Variants in JAKMIP2 observed in about 807,000 individuals in gnomAD.
JAKMIP2 encodes the protein janus kinase and microtubule interacting protein 2.
A neutral mutation model predicts 115.0 loss-of-function variants in JAKMIP2; 25 were observed. The ratio of observed to expected loss-of-function variants is 0.22; its 90% CI spans 0.16 to 0.30. The LOEUF (loss-of-function observed/expected upper bound fraction) is 0.30, where lower values mean the gene tolerates loss of function less well. Ranked by LOEUF, JAKMIP2 falls within the 10% of genes least tolerant of loss-of-function variation. The pLI is 1.00. For missense variants in JAKMIP2, 642 were observed against 957.6 expected (o/e 0.67, Z 4.35); for synonymous variants, 334 against 343.6 (o/e 0.97, Z 0.31).
chr5:147,779,432 C>T lies in JAKMIP2; in HGVS notation c.-149+3024G>A, dbSNP rs1446492573. On this transcript the variant is annotated intron_variant, in intron 1 of 21. Transcript: ENST00000616793. ...ATATAATTTGTTTTTTTAAAAAAAA[C>T]AACTTGATGGCCCTTGAATTACTTT... 3.3e-5 allele frequency among the ~76,000 whole-genome samples: 5 copies of T among 151,638 alleles called. No individual in the cohort carries two copies. The South Asian group carries it at 8.3e-4, about 25-fold the overall frequency.
chr5:147,669,047 C>T (rs955582931), intron 2 of JAKMIP2, among the ~76,000 whole-genome samples: 1 of 152,180 alleles, frequency 6.6e-6, no homozygotes, highest in African/African-American at 2.4e-5. Flanking sequence ...TTTAACTTAT[C>T]CATTCCCTAG....
intron 1 of JAKMIP2, among the ~76,000 whole-genome samples, chr5:147,717,387 G>T (rs1375477212): frequency 5.5e-5 from 8 of 145,210 alleles, no homozygotes; most frequent in African/African-American, 1.0e-4. Flanking sequence ...GTGAAGAAAG[G>T]CATTGGTAGC....
chr5:147,610,804 C>CAGGGGAAGG (rs1308269804), intron 20 of JAKMIP2, among the ~76,000 whole-genome samples: 1 of 152,224 alleles, frequency 6.6e-6, no homozygotes, highest in East Asian at 1.9e-4. Context: ...CCCCTAGGTG[C>CAGGGGAAGG]TGTGTCCCAG....
intron 1 of JAKMIP2, among the ~76,000 whole-genome samples, chr5:147,712,832 C>T (rs1752835014): frequency 6.6e-6 from 1 of 152,168 alleles, no homozygotes; most frequent in South Asian, 2.1e-4. Context: ...TTACTGCAAA[C>T]ACAGACGTTT....
At chr5:147,677,278 A>G (rs1760021061) in intron 1 of JAKMIP2, among the ~76,000 whole-genome samples, 1 of 152,164 alleles carries the variant, frequency 6.6e-6, no homozygotes, top group African/African-American at 2.4e-5. Flanking sequence ...TTCTATCTCT[A>G]CTGTTAGCCA....
intron 20 of JAKMIP2, among the ~76,000 whole-genome samples, chr5:147,609,631 G>C (rs1451172100): frequency 1.3e-5 from 2 of 151,990 alleles, no homozygotes; most frequent in Non-Finnish European, 2.9e-5. Flanking sequence ...TTTCAACCTT[G>C]CTTAATCTGA....
intron 2 of JAKMIP2, among the ~76,000 whole-genome samples, chr5:147,668,280 G>C (rs75078968): frequency 0.013 from 1,926 of 152,282 alleles, 18 homozygotes; most frequent in Admixed American, 0.02. Flanking sequence ...CGAAACCATA[G>C]TTTATCTCTG....
chr5:147,729,547 G>A (rs1259786154), intron 1 of JAKMIP2, among the ~76,000 whole-genome samples: 1 of 152,104 alleles, frequency 6.6e-6, no homozygotes, highest in Non-Finnish European at 1.5e-5. Flanking sequence ...GCCGAGGTGG[G>A]CAGATCATGA....
chr5:147,666,723 A>G (rs1476505811), intron 2 of JAKMIP2, among the ~76,000 whole-genome samples: 1 of 152,138 alleles, frequency 6.6e-6, no homozygotes, highest in Non-Finnish European at 1.5e-5. Context: ...GACACCTCGT[A>G]TTTGCACCTG....
At chr5:147,670,842 G>A (rs1437193678) in intron 2 of JAKMIP2, among the ~76,000 whole-genome samples, 1 of 152,088 alleles carries the variant, frequency 6.6e-6, no homozygotes, top group African/African-American at 2.4e-5. Context: ...TTAAGTTCTG[G>A]ATATTATTTA....
chr5:147,699,070 C>T (rs1398062392), intron 1 of JAKMIP2, among the ~76,000 whole-genome samples: 1 of 152,208 alleles, frequency 6.6e-6, no homozygotes, highest in Non-Finnish European at 1.5e-5. Flanking sequence ...TCCCCCAGGC[C>T]TTTGCTCATG....
At chr5:147,729,791 A>G (rs1753660266) in intron 1 of JAKMIP2, among the ~76,000 whole-genome samples, 1 of 150,456 alleles carries the variant, frequency 6.6e-6, no homozygotes, top group Non-Finnish European at 1.5e-5. Context: ...AAAAAAAAAA[A>G]CTTTGTTCTG....
chr5:147,594,398 A>C, intron 21 of JAKMIP2: 1 of 454,688 alleles, frequency 2.2e-6, no homozygotes, highest in Non-Finnish European at 4.4e-6. Context: ...ACAGTGGTGC[A>C]ATCTTGTCTC....
At chr5:147,640,850 C>G in intron 8 of JAKMIP2, 27 bp from the exon 9 acceptor site, 1 of 1,605,228 alleles carries the variant, frequency 6.2e-7, no homozygotes. Flanking sequence ...TACCTATTTA[C>G]TGACATAGCT....
At chr5:147,702,514 G>A (rs1752372648) in intron 1 of JAKMIP2, among the ~76,000 whole-genome samples, 1 of 147,218 alleles carries the variant, frequency 6.8e-6, no homozygotes, top group Non-Finnish European at 1.5e-5. Context: ...AGACAGGAAG[G>A]AAGGAAAGGA....
intron 4 of JAKMIP2, among the ~76,000 whole-genome samples, chr5:147,648,814 G>T (rs1327569368): frequency 1.3e-5 from 2 of 152,156 alleles, no homozygotes; most frequent in African/African-American, 4.8e-5. Context: ...ATTACATAAG[G>T]TTCAAAGGGC....
chr5:147,776,553 C>T (rs549470318), intron 1 of JAKMIP2, among the ~76,000 whole-genome samples: 10 of 152,240 alleles, frequency 6.6e-5, no homozygotes, highest in African/African-American at 2.4e-4. Context: ...AGTGTGAGAA[C>T]GGACTAATAC....
At chr5:147,616,200 G>A (rs1162660526) in intron 19 of JAKMIP2, among the ~76,000 whole-genome samples, 1 of 152,080 alleles carries the variant, frequency 6.6e-6, no homozygotes, top group Non-Finnish European at 1.5e-5. Context: ...AAGTTAGAGT[G>A]TATTACATAG....
intron 1 of JAKMIP2, among the ~76,000 whole-genome samples, chr5:147,779,832 T>A (rs914769724): frequency 6.6e-6 from 1 of 152,130 alleles, no homozygotes; most frequent in African/African-American, 2.4e-5. Flanking sequence ...CCTAGACAAA[T>A]GCATATCTAG....
Sources: gnomAD v4.1 joint callset for allele counts (sites outside exome capture counted in the v4.1 genomes callset) on GRCh38, gnomAD v4.1.1 for gene constraint, MANE v1.5 for transcripts, NCBI Gene and HGNC (gene_info 2026-07-23, HGNC 2026-07-21) for gene names.